Variants in ATAD2 observed in about 807,000 individuals in gnomAD.
ATAD2 encodes ATPase family AAA domain-containing protein 2.
A neutral mutation model predicts 168.9 loss-of-function variants in ATAD2; 62 were observed. That is an observed-to-expected ratio of 0.37 (90% CI 0.30 to 0.45). The LOEUF is 0.45. Ranked by LOEUF, ATAD2 falls within the 20% of genes least tolerant of loss-of-function variation. ATAD2 has a pLI of 1.00. For missense variants in ATAD2, 1,419 were observed against 1,667.8 expected, an observed-to-expected ratio of 0.85 and a Z score of 2.60; for synonymous variants, 613 against 571.6, an observed-to-expected ratio of 1.07 and a Z score of -1.03.
At chr8:123,357,501 C>A in intron 12 of ATAD2, 61 bp downstream of exon 12, 2 of 1,398,414 alleles carry the variant, frequency 1.4e-6, no homozygotes, top group Non-Finnish European at 1.9e-6. Context: ...TTTATCTAAT[C>A]CTCACACACA....
At position 123,326,412 on chromosome 8, in the gene ATAD2, G is replaced by A. The variant is rs371462397; in HGVS notation, c.3869-386C>T. Among the ~76,000 whole-genome samples, 7 of 152,108 alleles carry A rather than the reference G, an allele frequency of 4.6e-5. No homozygotes were observed. The East Asian group carries it at 1.4e-3, about 29-fold the overall frequency. ...TGTTTTATTAGAACACAGCCTGCCT[G>A]TAATCCCAGCACTTTGGGAGGCCAA... On this transcript the variant is annotated intron_variant, in intron 25 of 27. Coordinates refer to ENST00000287394, the MANE Select transcript of ATAD2 (RefSeq NM_014109.4).
chr8:123,356,528 G>T (rs759314685), intron 12 of ATAD2, 51 bp from the exon 13 acceptor site: 1 of 1,293,482 alleles, frequency 7.7e-7, no homozygotes, highest in East Asian at 2.5e-5. Flanking sequence ...CCTCAAACAC[G>T]TAGACTTAAT....
chr8:123,372,543 A>G, intron 3 of ATAD2, 94 bp downstream of exon 3: 1 of 942,878 alleles, frequency 1.1e-6, no homozygotes, highest in Non-Finnish European at 1.6e-6. Context: ...ATACACTTTA[A>G]ACATGTAAAA....
At chr8:123,389,988 T>A (rs11782930) in intron 1 of ATAD2, among the ~76,000 whole-genome samples, 8,787 of 59,314 alleles carry the variant, frequency 0.15, 346 homozygotes, top group Middle Eastern at 0.26. Flanking sequence ...ATATATATTT[T>A]TTTTTTTTTA....
chr8:123,382,423 T>TA (rs1829517298), intron 1 of ATAD2, among the ~76,000 whole-genome samples: 1 of 152,230 alleles, frequency 6.6e-6, no homozygotes, highest in East Asian at 1.9e-4. Flanking sequence ...AAAGAATACT[T>TA]ACACCTTGGG....
At chr8:123,326,316 A>C (rs955819666) in intron 25 of ATAD2, among the ~76,000 whole-genome samples, 2 of 152,056 alleles carry the variant, frequency 1.3e-5, no homozygotes, top group African/African-American at 2.4e-5. Flanking sequence ...GCTAGAAGGG[A>C]CCTCAATAAT....
At chr8:123,347,025 T>G in intron 16 of ATAD2, 67 bp downstream of exon 16, 1 of 1,405,716 alleles carries the variant, frequency 7.1e-7, no homozygotes, top group Admixed American at 2.3e-5. Context: ...ATATTTCTGG[T>G]ATGTATGAAA....
chr8:123,389,974 A>G (rs889693156), intron 1 of ATAD2, among the ~76,000 whole-genome samples: 87 of 114,398 alleles, frequency 7.6e-4, no homozygotes, highest in African/African-American at 3.2e-3. Flanking sequence ...ATATATATAT[A>G]TATATATATA....
chr8:123,369,010 TA>T, intron 8 of ATAD2, 47 bp downstream of exon 8: 3 of 1,179,330 alleles, frequency 2.5e-6, no homozygotes, highest in Non-Finnish European at 3.6e-6. Flanking sequence ...AGCCCTAACA[TA>T]AAAACAATTA....
intron 11 of ATAD2, among the ~76,000 whole-genome samples, 174 bp from the exon 12 acceptor site, chr8:123,357,910 C>T (rs1828697490): frequency 2.6e-5 from 4 of 152,150 alleles, no homozygotes; most frequent in Admixed American, 2.0e-4. Flanking sequence ...GGAGTTAATA[C>T]TGATACTGTA....
rs567336266 is a variant in ATAD2, at chr8:123,401,970, A to G, written c.-2281-795T>C. ...ATAGTGGGCATCCAGCATGGCTGCC[A>G]GGATATCAGGGCCCGCAGCCTGTCT... On this transcript the variant is annotated intron_variant, in intron 1 of 28. Coordinates refer to the ATAD2 transcript ENST00000521903. The G allele has an allele frequency of 4.9e-4, 471 of 970,366 alleles. 3 individuals carry two copies. In the East Asian group the frequency reaches 0.01, roughly 21 times the overall value. The allele number at this position is 970,366 out of a possible 1,614,324, so 60.1% of individuals were successfully genotyped here.
At chr8:123,389,405 C>T (rs970332579) in intron 1 of ATAD2, among the ~76,000 whole-genome samples, 10 of 149,190 alleles carry the variant, frequency 6.7e-5, no homozygotes, top group South Asian at 4.3e-4. Context: ...TTTGGGAGGC[C>T]AAGGCGGGCG....
At chr8:123,389,030 G>A (rs1485334162) in intron 1 of ATAD2, among the ~76,000 whole-genome samples, 1 of 150,070 alleles carries the variant, frequency 6.7e-6, no homozygotes, top group Non-Finnish European at 1.5e-5. Flanking sequence ...GCAGTGGCGC[G>A]ATCTTGGCTC....
rs756348219 is a variant in ATAD2, at chr8:123,361,649, A to G, written c.1050-3T>C. 5.6e-6 allele frequency: 9 copies of G among 1,597,878 alleles called. No individual in the cohort carries two copies. Among genetic ancestry groups the G allele is most frequent in the African/African-American group, 2.7e-5 (2 of 74,674 alleles). ...TACTGTGGATTGCATGCCTTCGCCT[A>G]AAGTAAAAAACAAAATTGAAATCAT... On this transcript the variant is annotated splice_region_variant and splice_polypyrimidine_tract_variant and intron_variant, in intron 8 of 27. Coordinates refer to ENST00000287394, the MANE Select transcript of ATAD2 (RefSeq NM_014109.4).
At chr8:123,388,482 C>T (rs1007239725) in intron 1 of ATAD2, among the ~76,000 whole-genome samples, 3 of 152,152 alleles carry the variant, frequency 2.0e-5, no homozygotes, top group Non-Finnish European at 4.4e-5. Context: ...CAACCTCTGC[C>T]TCCTGGGTTC....
intron 13 of ATAD2, among the ~76,000 whole-genome samples, chr8:123,352,818 C>T (rs1350810314): frequency 2.0e-5 from 3 of 151,298 alleles, no homozygotes; most frequent in African/African-American, 4.9e-5. Context: ...AATCCCAGCA[C>T]TTTGGGAGCC....
At chr8:123,373,911 T>C (rs1829231874) in intron 2 of ATAD2, among the ~76,000 whole-genome samples, 1 of 152,172 alleles carries the variant, frequency 6.6e-6, no homozygotes, top group East Asian at 1.9e-4. Context: ...TCAAGCTATT[T>C]GCAAGTGGGC....
chr8:123,383,400 G>C (rs922485575), intron 1 of ATAD2, among the ~76,000 whole-genome samples: 1 of 152,092 alleles, frequency 6.6e-6, no homozygotes, highest in African/African-American at 2.4e-5. Flanking sequence ...CACCCATTCT[G>C]AATTTCACTA....
chr8:123,355,542 G>A (rs1483106723), intron 13 of ATAD2, among the ~76,000 whole-genome samples: 1 of 152,172 alleles, frequency 6.6e-6, no homozygotes. Flanking sequence ...TCTTTAAAAT[G>A]GGGAGATTGG....
Sources: gnomAD v4.1 joint callset for allele counts (sites outside exome capture counted in the v4.1 genomes callset) on GRCh38, gnomAD v4.1.1 for gene constraint, MANE v1.5 for transcripts, NCBI Gene and HGNC (gene_info 2026-07-23, HGNC 2026-07-21) for gene names.